Variants in NTM observed in about 807,000 individuals in gnomAD.
The protein encoded by NTM is neurotrimin.
A neutral mutation model predicts 42.1 loss-of-function variants in NTM; 13 were observed. The ratio of observed to expected loss-of-function variants is 0.31; its 90% CI spans 0.20 to 0.49. The LOEUF (loss-of-function observed/expected upper bound fraction) is 0.49. Ranked by LOEUF, NTM falls within the 20% of genes least tolerant of loss-of-function variation. The pLI is 0.99. For missense variants in NTM, 373 were observed against 452.8 expected (o/e 0.82, Z 1.60); for synonymous variants, 187 against 179.2 (o/e 1.04, Z -0.35).
intron 1 of NTM, among the ~76,000 whole-genome samples, chr11:131,377,415 G>T (rs539968923): frequency 1.3e-5 from 2 of 152,284 alleles, no homozygotes; most frequent in South Asian, 4.1e-4. Context: ...GGAGGGCCAA[G>T]AAGATAAAAG....
intron 2 of NTM, among the ~76,000 whole-genome samples, chr11:131,961,949 A>G (rs781782720): frequency 1.1e-4 from 17 of 152,112 alleles, no homozygotes; most frequent in African/African-American, 4.8e-5. Flanking sequence ...TGATGGATCC[A>G]TGCACCAATG....
chr11:131,866,909 A>G (rs1398841044), intron 1 of NTM, among the ~76,000 whole-genome samples: 2 of 152,164 alleles, frequency 1.3e-5, no homozygotes, highest in Non-Finnish European at 2.9e-5. Context: ...TTAATAGGAA[A>G]TGTTTTTGGA....
At chr11:131,489,987 C>T (rs1402371691) in intron 1 of NTM, among the ~76,000 whole-genome samples, 1 of 152,242 alleles carries the variant, frequency 6.6e-6, no homozygotes, top group Non-Finnish European at 1.5e-5. Context: ...GAGCATCAGG[C>T]TGCTTCCACT....
At chr11:132,212,349 CT>C (rs1400608082) in intron 4 of NTM, among the ~76,000 whole-genome samples, 1 of 152,144 alleles carries the variant, frequency 6.6e-6, no homozygotes, top group Non-Finnish European at 1.5e-5. Context: ...GAATTCATAC[CT>C]CAGTATCTCT....
At chr11:131,606,271 G>C (rs1410060606) in intron 1 of NTM, among the ~76,000 whole-genome samples, 1 of 152,084 alleles carries the variant, frequency 6.6e-6, no homozygotes, top group Non-Finnish European at 1.5e-5. Context: ...GTGCAAACTG[G>C]TCCCGAACTC....
intron 1 of NTM, among the ~76,000 whole-genome samples, chr11:131,611,812 C>T (rs761683147): frequency 1.9e-4 from 29 of 152,184 alleles, no homozygotes; most frequent in Non-Finnish European, 1.3e-4. Flanking sequence ...ACTTTCCCCA[C>T]ACAGAGCTAT....
rs187046313 is a variant in NTM at position 132,219,869 on chromosome 11, T to G, written c.526+7722T>G. 3.1e-3 allele frequency among the ~76,000 whole-genome samples: 476 copies of G among 152,294 alleles called. 2 individuals carry two copies. Among genetic ancestry groups the G allele is most frequent in the African/African-American group, 0.011 (455 of 41,556 alleles). On this transcript the variant is annotated intron_variant, in intron 4 of 8. Coordinates refer to ENST00000683400, the MANE Select transcript of NTM (RefSeq NM_001352005.2). ...AGAACGGAAGGGAAGGAAACTCAAGTTATTTTTTTTCTGAAAAGATTGAAT... is the reference window on the plus strand; with the variant it reads ...AGAACGGAAGGGAAGGAAACTCAAGGTATTTTTTTTCTGAAAAGATTGAAT...
At chr11:132,229,618 C>T (rs1467142662) in intron 4 of NTM, among the ~76,000 whole-genome samples, 2 of 152,136 alleles carry the variant, frequency 1.3e-5, no homozygotes, top group African/African-American at 4.8e-5. Context: ...TTTGAGAGTT[C>T]ATAATTCCCC....
intron 1 of NTM, among the ~76,000 whole-genome samples, chr11:131,584,384 G>A (rs972947532): frequency 1.3e-5 from 2 of 152,136 alleles, no homozygotes; most frequent in Admixed American, 6.5e-5. Context: ...AATTAGAAGC[G>A]CCTCAGAACT....
intron 1 of NTM, among the ~76,000 whole-genome samples, chr11:131,861,110 A>T (rs2046587273): frequency 6.6e-6 from 1 of 152,130 alleles, no homozygotes; most frequent in South Asian, 2.1e-4. Flanking sequence ...CTGAGCATGA[A>T]GGGGACAGTG....
At chr11:131,499,498 C>T (rs1475659596) in intron 1 of NTM, among the ~76,000 whole-genome samples, 1 of 152,252 alleles carries the variant, frequency 6.6e-6, no homozygotes, top group African/African-American at 2.4e-5. Flanking sequence ...CCACACTTCA[C>T]TTTTGCTTCT....
chr11:131,546,198 A>T (rs2053921957), intron 1 of NTM, among the ~76,000 whole-genome samples: 1 of 152,202 alleles, frequency 6.6e-6, no homozygotes. Context: ...TTGTGACTGA[A>T]GCTTTGTTTC....
intron 3 of NTM, among the ~76,000 whole-genome samples, chr11:132,148,478 A>T (rs1164028302): frequency 6.6e-6 from 1 of 151,972 alleles, no homozygotes; most frequent in Non-Finnish European, 1.5e-5. Context: ...CTTAGTGTTG[A>T]GAAAAGAATG....
intron 1 of NTM, among the ~76,000 whole-genome samples, chr11:131,817,873 G>A (rs2093016053): frequency 6.6e-6 from 1 of 152,252 alleles, no homozygotes; most frequent in African/African-American, 2.4e-5. Context: ...TCTCATGGGA[G>A]CTGAGAGGCC....
intron 1 of NTM, among the ~76,000 whole-genome samples, chr11:131,791,561 AG>A (rs1373349777): frequency 6.6e-6 from 1 of 152,222 alleles, no homozygotes; most frequent in Non-Finnish European, 1.5e-5. Context: ...AAGGCCCCTC[AG>A]GCTCCTTCAC....
At chr11:132,227,555 G>A (rs552693317) in intron 4 of NTM, among the ~76,000 whole-genome samples, 46 of 152,032 alleles carry the variant, frequency 3.0e-4, no homozygotes, top group African/African-American at 9.2e-4. Flanking sequence ...CTATTATTGC[G>A]GTGTAATTAC....
chr11:131,382,317 A>C (rs1942789820), intron 1 of NTM, among the ~76,000 whole-genome samples: 1 of 152,224 alleles, frequency 6.6e-6, no homozygotes, highest in Non-Finnish European at 1.5e-5. Flanking sequence ...CATATCAAGA[A>C]TGACAGAGAA....
At chr11:131,838,524 T>G (rs1220926273) in intron 1 of NTM, among the ~76,000 whole-genome samples, 1 of 152,242 alleles carries the variant, frequency 6.6e-6, no homozygotes, top group African/African-American at 2.4e-5. Context: ...GAAATAATAA[T>G]GTCTATCTTT....
intron 2 of NTM, among the ~76,000 whole-genome samples, chr11:132,010,118 C>T (rs1235595632): frequency 1.3e-5 from 2 of 152,184 alleles, no homozygotes; most frequent in Non-Finnish European, 2.9e-5. Flanking sequence ...TTATCCTCAC[C>T]ACGGCTGTTC....
Sources: gnomAD v4.1 joint callset for allele counts (sites outside exome capture counted in the v4.1 genomes callset) on GRCh38, gnomAD v4.1.1 for gene constraint, MANE v1.5 for transcripts, NCBI Gene and HGNC (gene_info 2026-07-23, HGNC 2026-07-21) for gene names.